The following MAP2K5 variants were observed in gnomAD, a reference collection of about 807,000 sequenced individuals.
The protein encoded by MAP2K5 is dual specificity mitogen-activated protein kinase kinase 5.
A neutral mutation model predicts 83.1 loss-of-function variants in MAP2K5; 49 were observed. That is an observed-to-expected ratio of 0.59 (90% CI 0.47 to 0.75). The LOEUF (loss-of-function observed/expected upper bound fraction) is 0.75. Among genes scored for constraint, MAP2K5 ranks in the 30% least tolerant of loss-of-function variants. The probability of loss-of-function intolerance (pLI) is 0.00; values close to 1 mark genes in which losing one functional copy is unlikely to be tolerated. For synonymous variants in MAP2K5, 202 were observed against 191.8 expected, an observed-to-expected ratio of 1.05 and a Z score of -0.44; for missense variants, 457 against 557.5, an observed-to-expected ratio of 0.82 and a Z score of 1.82.
intron 6 of MAP2K5, among the ~76,000 whole-genome samples, chr15:67,591,845 C>CTCCCGCCTGTAA: frequency 6.6e-6 from 1 of 152,120 alleles, no homozygotes; most frequent in South Asian, 2.1e-4. Context: ...GGGGTGGTGG[C>CTCCCGCCTGTAA]TCCCGCCTGT....
intron 9 of MAP2K5, among the ~76,000 whole-genome samples, chr15:67,642,799 G>T (rs972508509): frequency 4.6e-5 from 7 of 152,152 alleles, no homozygotes; most frequent in Non-Finnish European, 1.0e-4. Context: ...TAGGCGATGG[G>T]AACACATTAA....
Position 67,770,101 on chromosome 15 carries a change from T to C in MAP2K5, c.1196+438T>C, listed in dbSNP as rs1305943337. Among the ~76,000 whole-genome samples the C allele has an allele frequency of 6.6e-6, 1 of 152,218 alleles. No homozygotes were observed. Among genetic ancestry groups the C allele is most frequent in the East Asian group, 1.9e-4 (1 of 5,202 alleles). On this transcript the variant is annotated intron_variant, in intron 20 of 21. Transcript: ENST00000178640. This position sits in a 1 kb window ranked among gnomAD's most constrained non-coding sequence, Gnocchi z 5.0. Reference sequence around the variant, plus strand: ...CATCGGATTTTCAGTAAATAACTTTTATCTTTGGTTGTATTTTAAATACAA... The same window carrying C: ...CATCGGATTTTCAGTAAATAACTTTCATCTTTGGTTGTATTTTAAATACAA...
intron 2 of MAP2K5, among the ~76,000 whole-genome samples, chr15:67,560,343 A>C (rs1331815748): frequency 6.6e-6 from 1 of 152,240 alleles, no homozygotes. Flanking sequence ...CCTCTTGGAC[A>C]AAAACAAGGA....
chr15:67,622,232 A>G (rs536870252), intron 8 of MAP2K5, among the ~76,000 whole-genome samples: 2 of 152,116 alleles, frequency 1.3e-5, no homozygotes, highest in East Asian at 1.9e-4. Context: ...AAGAAACAAT[A>G]TAGGACCTGA....
At chr15:67,622,185 C>A (rs2086201770) in intron 8 of MAP2K5, among the ~76,000 whole-genome samples, 1 of 145,488 alleles carries the variant, frequency 6.9e-6, no homozygotes. Flanking sequence ...GGAGAATGTG[C>A]TGAAGGGAGA....
At chr15:67,546,224 C>G (rs1045736300) in intron 1 of MAP2K5, 1 of 152,258 alleles carries the variant, frequency 6.6e-6, no homozygotes, top group Non-Finnish European at 1.5e-5. Context: ...CCAAGAGACA[C>G]GTCAGCATCT....
intron 8 of MAP2K5, among the ~76,000 whole-genome samples, chr15:67,624,263 C>T (rs1010832199): frequency 2.1e-5 from 3 of 140,956 alleles, no homozygotes; most frequent in Non-Finnish European, 3.0e-5. Flanking sequence ...GGTGTGAACC[C>T]GGGAAGCGGA....
chr15:67,597,973 G>A (rs950120408), intron 7 of MAP2K5, among the ~76,000 whole-genome samples: 1 of 152,308 alleles, frequency 6.6e-6, no homozygotes, highest in Non-Finnish European at 1.5e-5. Flanking sequence ...GGGAGGCTGA[G>A]GCAGGCTGAT....
chr15:67,718,720 T>C (rs1472134898), intron 16 of MAP2K5, among the ~76,000 whole-genome samples: 1 of 152,122 alleles, frequency 6.6e-6, no homozygotes, highest in Non-Finnish European at 1.5e-5. Context: ...GCCGAGATCA[T>C]GCTACTGCAC....
intron 9 of MAP2K5, among the ~76,000 whole-genome samples, chr15:67,632,227 G>A (rs2086491724): frequency 6.6e-6 from 1 of 151,746 alleles, no homozygotes; most frequent in South Asian, 2.1e-4. Flanking sequence ...AGCCCCTTGA[G>A]TGGTTGGACC....
At chr15:67,712,691 G>A (rs1193174790) in intron 16 of MAP2K5, among the ~76,000 whole-genome samples, 1 of 152,206 alleles carries the variant, frequency 6.6e-6, no homozygotes, top group Non-Finnish European at 1.5e-5. Flanking sequence ...GGCCGAGGCA[G>A]GCGGATCACG....
chr15:67,647,274 A>G (rs11638739), intron 11 of MAP2K5, among the ~76,000 whole-genome samples: 22,191 of 152,212 alleles, frequency 0.15, 1,698 homozygotes, highest in East Asian at 0.22. Context: ...GGTGTACAAC[A>G]TGCTCTAAAT....
At chr15:67,763,360 T>C (rs2089985617) in intron 19 of MAP2K5, among the ~76,000 whole-genome samples, 2 of 152,226 alleles carry the variant, frequency 1.3e-5, no homozygotes, top group African/African-American at 2.4e-5. Context: ...TATGTAGTTA[T>C]GGCTACTCAC....
At chr15:67,706,610 T>A (rs752441224) in intron 16 of MAP2K5, among the ~76,000 whole-genome samples, 1 of 152,128 alleles carries the variant, frequency 6.6e-6, no homozygotes, top group Non-Finnish European at 1.5e-5. Context: ...ATTATGATCA[T>A]CAGAGAGGGT....
At position 67,748,100 on chromosome 15, in the gene MAP2K5, T is replaced by C; in HGVS notation, c.1075-131T>C. 1 of 627,048 alleles carries C rather than the reference T, an allele frequency of 1.6e-6. No homozygotes were observed. The highest frequency in any genetic ancestry group is 2.9e-6 in the Non-Finnish European group (1 of 343,268). The allele number at this position is 627,048 out of a possible 1,614,324, so 38.8% of individuals were successfully genotyped here. Reference sequence around the variant, plus strand: ...AGCTATTAACATTTGTGTATTTTCATTATGTAAATTGTGTTAACACATGCC... The same window carrying C: ...AGCTATTAACATTTGTGTATTTTCACTATGTAAATTGTGTTAACACATGCC... On this transcript the variant is annotated intron_variant, in intron 17 of 21. Transcript: ENST00000178640. The surrounding 1 kb of genome is among the most constrained non-coding windows in gnomAD (Gnocchi z 4.0).
chr15:67,631,995 A>G (rs2086484404), intron 9 of MAP2K5, among the ~76,000 whole-genome samples: 1 of 151,952 alleles, frequency 6.6e-6, no homozygotes, highest in Non-Finnish European at 1.5e-5. Context: ...TGCTTTACCA[A>G]TCTGTTACTT....
chr15:67,765,972 C>A (rs2090034538), intron 19 of MAP2K5, among the ~76,000 whole-genome samples: 1 of 152,204 alleles, frequency 6.6e-6, no homozygotes, highest in Non-Finnish European at 1.5e-5. Flanking sequence ...TCATTATTCA[C>A]AAGGCAAAGG....
At chr15:67,731,759 A>C (rs944071471) in intron 17 of MAP2K5, among the ~76,000 whole-genome samples, 1 of 152,202 alleles carries the variant, frequency 6.6e-6, no homozygotes, top group African/African-American at 2.4e-5. Context: ...CTTGCAGACA[A>C]ATAAGCCAAC....
chr15:67,799,107 T>G (rs1284471620), intron 21 of MAP2K5, among the ~76,000 whole-genome samples: 1 of 152,244 alleles, frequency 6.6e-6, no homozygotes, highest in Non-Finnish European at 1.5e-5. Context: ...AGGCGGAGGT[T>G]GCAGTGAGCC....
Sources: allele counts gnomAD v4.1 joint callset (sites outside exome capture counted in the v4.1 genomes callset), GRCh38; gene constraint gnomAD v4.1.1; non-coding constraint Gnocchi (gnomAD v3.1); transcripts MANE v1.5; gene names NCBI Gene and HGNC (gene_info 2026-07-23, HGNC 2026-07-21).